The following CFAP65 variants were observed in gnomAD, a reference collection of about 807,000 sequenced individuals.
CFAP65 encodes cilia and flagella associated protein 65.
Under a neutral mutation model 208.0 loss-of-function variants are expected in CFAP65, and 155 were observed. The observed-to-expected ratio is 0.75, with a 90% CI of 0.65 to 0.85. CFAP65 has a LOEUF of 0.85. Ranked by LOEUF, CFAP65 falls within the 40% of genes least tolerant of loss-of-function variation. The probability of loss-of-function intolerance (pLI) is 0.00; values close to 1 mark genes in which losing one functional copy is unlikely to be tolerated. For missense variants in CFAP65, 2,294 were observed against 2,451.3 expected (o/e 0.94, Z 1.36); for synonymous variants, 970 against 986.3 (o/e 0.98, Z 0.31).
Position 219,024,174 on chromosome 2 carries a change from C to G in CFAP65, c.2436G>C (p.Leu812=), listed in dbSNP as rs1183481867. 7.4e-6 allele frequency: 12 copies of G among 1,613,874 alleles called. No homozygotes were observed. The highest frequency in any genetic ancestry group is 1.0e-5 in the Non-Finnish European group (12 of 1,180,034). ...NKDCKLLTFS[L]APQRGSDVIL... ...TGACGTCTGAGCCTCTCTGGGGGGCCAGGCTGAAGGTCAGCAGCTTGCAGT... is the reference window on the plus strand; with the variant it reads ...TGACGTCTGAGCCTCTCTGGGGGGCGAGGCTGAAGGTCAGCAGCTTGCAGT... Residue 812 remains leucine (L), a synonymous_variant, in exon 15 of 35, where the codon CTG becomes CTC. Transcript: ENST00000341552.
chr2:219,006,262 C>T, intron 30 of CFAP65, 39 bp from the exon 31 acceptor site: 2 of 1,575,140 alleles, frequency 1.3e-6, no homozygotes, highest in Non-Finnish European at 1.7e-6. Context: ...AGGGTTTGGG[C>T]ACCACATTCA....
rs747880740 is a variant in CFAP65 at position 219,035,539 on chromosome 2, C to T, written c.483G>A (p.Glu161=). ...TTTTCAGAACCAGATTCCTTGTGGT[C>T]TCCTTTCCTAGCTCCCAGCCTTTCC... ...LHWKGWELGK[E]TTRNLVLKNR... is the part of the protein sequence containing the mutation. Residue 161 remains glutamate (E), a synonymous_variant, in exon 5 of 35, where the codon GAG becomes GAA. Transcript: ENST00000341552. 2 of 1,614,124 alleles carry T rather than the reference C, an allele frequency of 1.2e-6. No individual in the cohort carries two copies. Among genetic ancestry groups the T allele is most frequent in the South Asian group, 1.1e-5 (1 of 91,070 alleles).
intron 31 of CFAP65, 34 bp from the exon 32 acceptor site, chr2:219,005,596 C>T (rs762333498): frequency 1.2e-6 from 2 of 1,608,108 alleles, no homozygotes; most frequent in South Asian, 1.1e-5. Flanking sequence ...GTGGCCTGGG[C>T]AAGCCACCAT....
intron 4 of CFAP65, among the ~76,000 whole-genome samples, chr2:219,038,108 G>A (rs552195582): frequency 4.9e-4 from 75 of 152,312 alleles, no homozygotes; most frequent in Non-Finnish European, 9.0e-4. Context: ...GATAACAATG[G>A]TGAACAGGAC....
At position 219,002,971 on chromosome 2, in the gene CFAP65, T is replaced by C. The variant is rs1204322360; in HGVS notation, c.5744A>G (p.His1915Arg). 1 of 1,566,218 alleles carries C rather than the reference T, an allele frequency of 6.4e-7. No homozygotes were observed. Among genetic ancestry groups the C allele is most frequent in the South Asian group, 1.2e-5 (1 of 85,100 alleles). ...LLPTQQAEVLHPVVPLPTDLP is the reference protein window; with the variant it reads ...LLPTQQAEVLRPVVPLPTDLP ...GTCGGTAGGAAGTGGCACCACCGGG[T>C]GGAGTACCTCTGCTTGCTGCGTCGG... Residue 1915 changes from histidine to arginine, a missense_variant, in exon 35 of 35, where the codon CAC becomes CGC. By Grantham distance (29) the His-to-Arg change is conservative (BLOSUM62 0). Around this residue, in one of 2 missense-constraint regions of CFAP65, gnomAD observed 1,427 missense variants for 1,438.7 expected, o/e 0.99. Transcript: ENST00000341552. This position sits in a 1 kb window ranked among gnomAD's most constrained non-coding sequence, Gnocchi z 7.9.
chr2:219,007,196 CA>C (rs1946079191), intron 29 of CFAP65, among the ~76,000 whole-genome samples: 1 of 144,054 alleles, frequency 6.9e-6, no homozygotes, highest in African/African-American at 2.7e-5. Flanking sequence ...TTTTTTTTGA[CA>C]GGGTCTCACT....
At chr2:219,016,992 G>T (rs906665180) in intron 21 of CFAP65, among the ~76,000 whole-genome samples, 5 of 152,230 alleles carry the variant, frequency 3.3e-5, no homozygotes, top group African/African-American at 1.2e-4. Flanking sequence ...TTCCCGCGAG[G>T]CTGTAGGTCT....
intron 9 of CFAP65, 102 bp downstream of exon 9, chr2:219,030,586 CA>C: frequency 6.8e-7 from 1 of 1,462,790 alleles, no homozygotes; most frequent in African/African-American, 1.4e-5. Context: ...GGCTTGGGGC[CA>C]AAGGCATGGA....
At position 219,013,255 on chromosome 2, in the gene CFAP65, T is replaced by C; in HGVS notation, c.3957+4A>G. On this transcript the variant is annotated splice_donor_region_variant and intron_variant, in intron 24 of 34. Coordinates refer to ENST00000341552, the MANE Select transcript of CFAP65 (RefSeq NM_194302.4). ...TGGTCAACAGGACAATGTGGACCAC[T>C]GACCTGCCGTGGGGGTAGCGTGTCA... is the stretch of plus-strand genomic sequence containing the variant. 6.2e-7 allele frequency: 1 copy of C among 1,604,872 alleles called. No individual in the cohort carries two copies. The highest frequency in any genetic ancestry group is 1.1e-5 in the South Asian group (1 of 90,392).
Position 219,028,415 on chromosome 2 carries a change from CTG to C in CFAP65, c.1651-16_1651-15del. ...GAACAGTGGGTCCTGTGACATTTGT[CTG>C]TGTGTGGTGGGGCATGGGAGGGGTG... On this transcript the variant is annotated splice_polypyrimidine_tract_variant and intron_variant, in intron 11 of 34. Coordinates refer to ENST00000341552, the MANE Select transcript of CFAP65 (RefSeq NM_194302.4). The C allele has an allele frequency of 6.3e-7, 1 of 1,578,332 alleles. No individual in the cohort carries two copies. The highest frequency in any genetic ancestry group is 8.6e-7 in the Non-Finnish European group (1 of 1,160,124).
chr2:219,038,705 T>A (rs1410792952), intron 3 of CFAP65, 127 bp from the exon 4 acceptor site: 9 of 1,116,238 alleles, frequency 8.1e-6, no homozygotes, highest in Non-Finnish European at 1.2e-5. Context: ...CAACAGGTGC[T>A]ACCTGGCACC....
rs1473475111 is a variant in CFAP65, at chr2:219,024,471, GGGGC to G, written c.2350-215_2350-212del. ...TTTGTTCTCCAGAGACCTCCAGAAA[GGGGC>G]GGGGGGGGGGCAGGGGGGCGGGGGC... On this transcript the variant is annotated intron_variant, in intron 14 of 34. Transcript: ENST00000341552. Among the ~76,000 whole-genome samples the G allele has an allele frequency of 2.3e-3, 280 of 124,072 alleles. 8 individuals carry two copies. Among genetic ancestry groups the G allele is most frequent in the African/African-American group, 3.8e-3 (105 of 27,602 alleles). 81.4% of individuals were successfully genotyped at this position (124,072 alleles called of 152,430 possible).
At position 219,031,745 on chromosome 2, in the gene CFAP65, C is replaced by T; in HGVS notation, c.646-87G>A. ...CGCCCACCCTCAGCCACCCCCAACA[C>T]AACCGCTGAGGGGAGGGCCAGGCCG... On this transcript the variant is annotated intron_variant, in intron 6 of 34. Coordinates refer to ENST00000341552, the MANE Select transcript of CFAP65 (RefSeq NM_194302.4). The surrounding 1 kb of genome is among the most constrained non-coding windows in gnomAD (Gnocchi z 5.2). The T allele has an allele frequency of 2.7e-6, 4 of 1,498,112 alleles. No homozygotes were observed. The highest frequency in any genetic ancestry group is 4.6e-5 in the East Asian group (2 of 43,580). The allele number at this position is 1,498,112 out of a possible 1,614,324, so 92.8% of individuals were successfully genotyped here. A position where few individuals can be genotyped will look rare whatever the true frequency, so the allele number is the denominator to read the frequency against.
In CFAP65 at chr2:219,031,078, C is replaced by A; in HGVS notation, c.1015+28G>T. ...CCCAGAAGGTGCAGGAGGGGCCAGT[C>A]TGGGGACGGTGGGAGGTTGGGCCTC... is the stretch of plus-strand genomic sequence containing the variant. On this transcript the variant is annotated intron_variant, in intron 8 of 34. Transcript: ENST00000341552. The surrounding 1 kb of genome is among the most constrained non-coding windows in gnomAD (Gnocchi z 5.2). The A allele has an allele frequency of 1.9e-6, 3 of 1,562,098 alleles. No homozygotes were observed. The highest frequency in any genetic ancestry group is 3.6e-4 in the Middle Eastern group (2 of 5,496).
In CFAP65 at chr2:219,006,018, T is replaced by C. The variant is rs1358821789; in HGVS notation, c.4922+3A>G. 4.8e-5 allele frequency: 77 copies of C among 1,613,066 alleles called. No homozygotes were observed. The highest frequency in any genetic ancestry group is 6.5e-5 in the Non-Finnish European group (77 of 1,179,938). ...GGTGACCCCTGCCTTCCCAAGAGCT[T>C]ACCGGTGCAAAAAGTGGCAGGGAAA... On this transcript the variant is annotated splice_donor_region_variant and intron_variant, in intron 31 of 34. Transcript: ENST00000341552.
At position 219,022,177 on chromosome 2, in the gene CFAP65, G is replaced by T. The variant is rs1465171358; in HGVS notation, c.2973C>A (p.Ser991Arg). The T allele has an allele frequency of 2.5e-6, 4 of 1,593,498 alleles. No homozygotes were observed. The highest frequency in any genetic ancestry group is 3.4e-6 in the Non-Finnish European group (4 of 1,169,180). Residue 991 changes from serine (S) to arginine (R), a missense_variant, in exon 17 of 35, where the codon AGC becomes AGA. Around this residue, in one of 2 missense-constraint regions of CFAP65, gnomAD observed 1,427 missense variants for 1,438.7 expected, o/e 0.99. Transcript: ENST00000341552. ...CCAGAGCCCTCCCACTCACAGAGAG[G>T]CTGCTGGTGAGCCCAACGCCCACCA... ...LRLVGVGLTS[S>R]LSAKEKELAF... is the part of the protein sequence containing the mutation.
chr2:219,004,453 C>A lies in CFAP65; in HGVS notation c.5054G>T (p.Gly1685Val), dbSNP rs760273581. ...LVDILTTIIR[G>V]LLEDKNFHEA... is the part of the protein sequence containing the mutation. ...ATGGAAGTTCTTGTCTTCCAGCAGG[C>A]CCCTAGGTGGCAGGGAGAAGGAGAA... Residue 1685 changes from glycine to valine, a missense_variant and splice_region_variant, in exon 33 of 35, where the codon GGC (glycine) becomes GTC (valine). Around this residue, in one of 2 missense-constraint regions of CFAP65, gnomAD observed 1,427 missense variants for 1,438.7 expected, o/e 0.99. Coordinates refer to ENST00000341552, the MANE Select transcript of CFAP65 (RefSeq NM_194302.4). The surrounding 1 kb of genome is among the most constrained non-coding windows in gnomAD (Gnocchi z 4.7). 1.9e-6 allele frequency: 3 copies of A among 1,603,024 alleles called. No individual in the cohort carries two copies. The highest frequency in any genetic ancestry group is 2.6e-6 in the Non-Finnish European group (3 of 1,174,540).
intron 29 of CFAP65, among the ~76,000 whole-genome samples, chr2:219,008,147 T>C (rs1235125561): frequency 2.0e-5 from 3 of 152,260 alleles, no homozygotes; most frequent in South Asian, 2.1e-4. Context: ...CTTTTTAATA[T>C]GGAAAATTTC....
At chr2:219,030,320 G>A in intron 9 of CFAP65, 112 bp from the exon 10 acceptor site, 3 of 1,110,930 alleles carry the variant, frequency 2.7e-6, no homozygotes, top group South Asian at 1.4e-5. Context: ...GGGGCAGCTG[G>A]CATCCAGCCT....
Sources: gnomAD v4.1 joint callset for allele counts (sites outside exome capture counted in the v4.1 genomes callset) on GRCh38, gnomAD v4.1.1 for gene constraint, gnomAD v4.1.1 regional missense constraint, Gnocchi (gnomAD v3.1) non-coding constraint, MANE v1.5 for transcripts, NCBI Gene and HGNC (gene_info 2026-07-23, HGNC 2026-07-21) for gene names.